CCSER1: variants seen among roughly 807,000 people sequenced by gnomAD.
CCSER1 encodes coiled-coil serine rich protein 1.
Under a neutral mutation model 82.0 loss-of-function variants are expected in CCSER1, and 41 were observed. The observed-to-expected ratio is 0.50, with a 90% CI of 0.39 to 0.65. The LOEUF (loss-of-function observed/expected upper bound fraction) is 0.65. CCSER1 is among the 30% of genes least tolerant of loss of function. The pLI is 0.00. For synonymous variants in CCSER1, 414 were observed against 383.9 expected, an observed-to-expected ratio of 1.08 and a Z score of -0.92; for missense variants, 1,119 against 1,064.2, an observed-to-expected ratio of 1.05 and a Z score of -0.72.
rs368523190 is a variant in CCSER1 at position 91,301,626 on chromosome 4, T to C, written c.2217+215632T>C. 4.7e-4 allele frequency among the ~76,000 whole-genome samples: 71 copies of C among 151,914 alleles called. 1 individual carries two copies. The East Asian group carries it at 7.2e-3, about 15-fold the overall frequency. ...CTCCCTTGTGGTTTAACAACTGATA[T>C]GTTTTTCTCTATGCAAACCTATGTC... is the stretch of plus-strand genomic sequence containing the variant. On this transcript the variant is annotated intron_variant, in intron 10 of 10. Coordinates refer to ENST00000509176, the MANE Select transcript of CCSER1 (RefSeq NM_001145065.2).
intron 10 of CCSER1, among the ~76,000 whole-genome samples, chr4:91,250,772 G>A (rs1740192106): frequency 6.6e-6 from 1 of 151,462 alleles, no homozygotes; most frequent in Admixed American, 6.6e-5. Flanking sequence ...GTTGGTGAGT[G>A]GTATTGGAAA....
chr4:90,356,401 C>A (rs2153515515), intron 3 of CCSER1, among the ~76,000 whole-genome samples: 1 of 151,592 alleles, frequency 6.6e-6, no homozygotes, highest in African/African-American at 2.4e-5. Flanking sequence ...TATAACATTT[C>A]TTGAAATAGA....
At chr4:91,016,670 C>T (rs958074740) in intron 9 of CCSER1, among the ~76,000 whole-genome samples, 2 of 151,976 alleles carry the variant, frequency 1.3e-5, no homozygotes, top group African/African-American at 4.8e-5. Context: ...TATGTACATA[C>T]TCTTTAAAAA....
intron 8 of CCSER1, among the ~76,000 whole-genome samples, chr4:90,849,988 G>C (rs1478073491): frequency 6.6e-6 from 1 of 152,018 alleles, no homozygotes; most frequent in Non-Finnish European, 1.5e-5. Flanking sequence ...TCATGGGCTG[G>C]GCACAGGGAC....
At chr4:91,284,831 G>A (rs2149208306) in intron 10 of CCSER1, among the ~76,000 whole-genome samples, 1 of 151,914 alleles carries the variant, frequency 6.6e-6, no homozygotes, top group East Asian at 1.9e-4. Context: ...CTTCACTATT[G>A]GCAGAAAAAA....
intron 1 of CCSER1, among the ~76,000 whole-genome samples, chr4:90,219,895 G>A (rs370628826): frequency 1.4e-4 from 21 of 152,178 alleles, no homozygotes; most frequent in South Asian, 2.1e-4. Context: ...GGGAAATAGC[G>A]TAATAATGAT....
chr4:90,737,361 T>C (rs1022345366), intron 7 of CCSER1, among the ~76,000 whole-genome samples: 3 of 152,154 alleles, frequency 2.0e-5, no homozygotes, highest in African/African-American at 4.8e-5. Flanking sequence ...TTCTCCTTTA[T>C]ATATGAGGAT....
At chr4:90,252,932 A>C (rs925901282) in intron 1 of CCSER1, among the ~76,000 whole-genome samples, 1 of 151,716 alleles carries the variant, frequency 6.6e-6, no homozygotes. Flanking sequence ...TCGTTTTTGC[A>C]TCTTGGAATC....
chr4:91,061,399 C>G (rs1313752185), intron 9 of CCSER1, among the ~76,000 whole-genome samples: 1 of 151,944 alleles, frequency 6.6e-6, no homozygotes. Context: ...GTCCACTTCC[C>G]TAAGATTTTT....
rs150452770 is a variant in CCSER1, at chr4:90,703,135, C to T, written c.1933-20779C>T. Among the ~76,000 whole-genome samples the T allele has an allele frequency of 4.7e-4, 72 of 152,324 alleles. 1 individual carries two copies. In the East Asian group the frequency reaches 0.011, roughly 24 times the overall value. ...AGTGCTATAAATTTCCCTCTACACA[C>T]AGCTTTTAGTGTGTCCCACATATTC... On this transcript the variant is annotated intron_variant, in intron 6 of 10. Transcript: ENST00000509176.
At chr4:90,396,456 G>A (rs1751969627) in intron 3 of CCSER1, among the ~76,000 whole-genome samples, 2 of 151,988 alleles carry the variant, frequency 1.3e-5, no homozygotes. Context: ...ATAAACATAA[G>A]TATAATAAGA....
chr4:90,932,990 A>AAGAAAGAGAGAAAG (rs1561385285), intron 9 of CCSER1, among the ~76,000 whole-genome samples: 1 of 48,490 alleles, frequency 2.1e-5, no homozygotes, highest in South Asian at 4.7e-4. Flanking sequence ...AAGAGAAAGA[A>AAGAAAGAGAGAAAG]AGAAAGAAAG....
chr4:90,257,593 A>ATACATAGATACATAGATACT (rs201142568), intron 1 of CCSER1, among the ~76,000 whole-genome samples: 1 of 151,938 alleles, frequency 6.6e-6, no homozygotes, highest in East Asian at 2.0e-4. Flanking sequence ...AGATACTTAG[A>ATACATAGATACATAGATACT]TAGATAAAGA....
At position 90,748,809 on chromosome 4, in the gene CCSER1, G is replaced by C. The variant is rs1486270347; in HGVS notation, c.2010+24818G>C. Among the ~76,000 whole-genome samples, 7 of 150,068 alleles carry C rather than the reference G, an allele frequency of 4.7e-5. No homozygotes were observed. The East Asian group carries it at 8.0e-4, about 17-fold the overall frequency. Reference sequence around the variant, plus strand: ...CCAGTGATGATGAGCATTTTTTCATGTGTTTTTTGGCTGCATAAATGTCTT... The same window carrying C: ...CCAGTGATGATGAGCATTTTTTCATCTGTTTTTTGGCTGCATAAATGTCTT... On this transcript the variant is annotated intron_variant, in intron 7 of 10. Transcript: ENST00000509176.
At chr4:90,149,678 A>G (rs982451289) in intron 1 of CCSER1, among the ~76,000 whole-genome samples, 2 of 152,168 alleles carry the variant, frequency 1.3e-5, no homozygotes, top group East Asian at 3.9e-4. Context: ...AATCTAAACC[A>G]TGATACTTCT....
chr4:91,128,438 T>A (rs1377051398), intron 10 of CCSER1, among the ~76,000 whole-genome samples: 1 of 151,958 alleles, frequency 6.6e-6, no homozygotes, highest in Non-Finnish European at 1.5e-5. Flanking sequence ...CCCTCTCAAC[T>A]AAAACGACCC....
In CCSER1 at chr4:90,391,490, A is replaced by T. The variant is rs1320081419; in HGVS notation, c.1510-8546A>T. Among the ~76,000 whole-genome samples the T allele has an allele frequency of 3.3e-5, 3 of 92,152 alleles. No individual in the cohort carries two copies. The East Asian group carries it at 9.4e-4, about 29-fold the overall frequency. 60.5% of individuals were successfully genotyped at this position (92,152 alleles called of 152,430 possible). A position where few individuals can be genotyped will look rare whatever the true frequency, so the allele number is the denominator to read the frequency against. On this transcript the variant is annotated intron_variant, in intron 3 of 10. Coordinates refer to ENST00000509176, the MANE Select transcript of CCSER1 (RefSeq NM_001145065.2). ...TATATATATATATATATATATACACACACACAGTGGGTAAATATATATATA... is the reference window on the plus strand; with the variant it reads ...TATATATATATATATATATATACACTCACACAGTGGGTAAATATATATATA...
chr4:90,462,093 T>A (rs1240664369), intron 4 of CCSER1, among the ~76,000 whole-genome samples: 1 of 147,538 alleles, frequency 6.8e-6, no homozygotes, highest in East Asian at 1.9e-4. Context: ...TATAATTTCA[T>A]CAAAAAACTT....
At chr4:91,199,812 CA>C (rs1735756917) in intron 10 of CCSER1, among the ~76,000 whole-genome samples, 1 of 151,674 alleles carries the variant, frequency 6.6e-6, no homozygotes, top group Admixed American at 6.6e-5. Flanking sequence ...AGAAATTGGA[CA>C]TGTCAGTGAT....
Sources: allele counts gnomAD v4.1 joint callset (sites outside exome capture counted in the v4.1 genomes callset), GRCh38; gene constraint gnomAD v4.1.1; transcripts MANE v1.5; gene names NCBI Gene and HGNC (gene_info 2026-07-23, HGNC 2026-07-21).